OR51E2: variants seen among roughly 807,000 people sequenced by gnomAD.
OR51E2 encodes the protein olfactory receptor 51E2.
Under a neutral mutation model 13.7 loss-of-function variants are expected in OR51E2, and 14 were observed. The observed-to-expected ratio is 1.02, with a 90% CI of 0.68 to 1.60. OR51E2 has a LOEUF of 1.60. Among genes scored for constraint, OR51E2 ranks in the 40% most tolerant of loss-of-function variants. The pLI is 0.00. For missense variants in OR51E2, 483 were observed against 413.8 expected, an observed-to-expected ratio of 1.17 and a Z score of -1.45; for synonymous variants, 180 against 157.6, an observed-to-expected ratio of 1.14 and a Z score of -1.07.
intron 1 of OR51E2, among the ~76,000 whole-genome samples, chr11:4,694,252 A>T (rs1444504558): frequency 6.6e-6 from 1 of 152,068 alleles, no homozygotes; most frequent in African/African-American, 2.4e-5. Flanking sequence ...AACAAAAGAA[A>T]ACCATAGTGT....
intron 1 of OR51E2, among the ~76,000 whole-genome samples, chr11:4,688,615 T>A (rs1001240428): frequency 1.3e-5 from 2 of 152,148 alleles, no homozygotes; most frequent in African/African-American, 2.4e-5. Flanking sequence ...ATTAAACTAA[T>A]CAGTCTAACT....
In OR51E2 at chr11:4,681,909, T is replaced by A; in HGVS notation, c.803A>T (p.His268Leu). The A allele has an allele frequency of 6.2e-7, 1 of 1,614,048 alleles. No homozygotes were observed. Among genetic ancestry groups the A allele is most frequent in the East Asian group, 2.2e-5 (1 of 44,872 alleles). The change falls in exon 2 of 2, where the codon CAT becomes CTT. Residue 268 changes from histidine to leucine, a missense_variant. Transcript: ENST00000396950. Reference protein sequence around the residue: ...SVVHRFGNSLHPIVRVVMGDI... With the variant: ...SVVHRFGNSLLPIVRVVMGDI... Reference sequence around the variant, plus strand: ...ACCCATGACAACACGCACAATGGGATGAAGGCTGTTTCCAAAGCGGTGTAC... The same window carrying A: ...ACCCATGACAACACGCACAATGGGAAGAAGGCTGTTTCCAAAGCGGTGTAC...
At chr11:4,691,978 C>A (rs1432578038) in intron 1 of OR51E2, among the ~76,000 whole-genome samples, 1 of 152,142 alleles carries the variant, frequency 6.6e-6, no homozygotes, top group Non-Finnish European at 1.5e-5. Flanking sequence ...GTGACCACTC[C>A]TCTGATCGTT....
rs147818063 is a variant in OR51E2, at chr11:4,697,537, A to G, written c.-51+116T>C. On this transcript the variant is annotated intron_variant, in intron 1 of 1. Transcript: ENST00000396950. ...GAAATTCTACCGTCCTCCTCAGCCCACCATACCAACATCTAATCTAATTCT... is the reference window on the plus strand; with the variant it reads ...GAAATTCTACCGTCCTCCTCAGCCCGCCATACCAACATCTAATCTAATTCT... The G allele has an allele frequency of 3.2e-3, 494 of 152,750 alleles. 4 individuals are homozygous for G. Among genetic ancestry groups the G allele is most frequent in the African/African-American group, 0.011 (466 of 41,566 alleles). 9.5% of individuals were successfully genotyped at this position (152,750 alleles called of 1,614,324 possible).
Position 4,680,653 on chromosome 11 carries a change from A to G in OR51E2, c.*1096T>C, listed in dbSNP as rs1018553925. 6.5e-6 allele frequency: 1 copy of G among 152,678 alleles called. No homozygotes were observed. The highest frequency in any genetic ancestry group is 2.4e-5 in the African/African-American group (1 of 41,462). 9.5% of individuals were successfully genotyped at this position (152,678 alleles called of 1,614,324 possible). ...CATTTCTCTCACTTATAATAAAGAG[A>G]CACAAATGGTACCTACTCCATAAAG... is the stretch of plus-strand genomic sequence containing the variant. On this transcript the variant is annotated 3_prime_UTR_variant, in exon 2 of 2. Coordinates refer to ENST00000396950, the MANE Select transcript of OR51E2 (RefSeq NM_030774.4).
chr11:4,688,845 A>C (rs759079604), intron 1 of OR51E2, among the ~76,000 whole-genome samples: 24 of 152,222 alleles, frequency 1.6e-4, no homozygotes, highest in Admixed American at 1.4e-3. Flanking sequence ...GGGGTGATAG[A>C]AAGGCATCAG....
At chr11:4,688,635 G>A (rs1386916654) in intron 1 of OR51E2, among the ~76,000 whole-genome samples, 1 of 152,146 alleles carries the variant, frequency 6.6e-6, no homozygotes, top group Non-Finnish European at 1.5e-5. Flanking sequence ...TTCACTGTGG[G>A]GGGAAATAGA....
chr11:4,691,999 A>T (rs1254046373), intron 1 of OR51E2, among the ~76,000 whole-genome samples: 1 of 152,232 alleles, frequency 6.6e-6, no homozygotes, highest in Non-Finnish European at 1.5e-5. Context: ...CTAGCCATAG[A>T]TAACCAAACT....
chr11:4,689,914 T>C (rs1847557002), intron 1 of OR51E2, among the ~76,000 whole-genome samples: 1 of 150,644 alleles, frequency 6.6e-6, no homozygotes, highest in Admixed American at 6.6e-5. Context: ...TAATTAATTT[T>C]TTTACTTCTT....
At chr11:4,687,994 A>G (rs1220191821) in intron 1 of OR51E2, among the ~76,000 whole-genome samples, 1 of 152,180 alleles carries the variant, frequency 6.6e-6, no homozygotes, top group Non-Finnish European at 1.5e-5. Flanking sequence ...AGGGGAAGCA[A>G]TGAAGCTTAA....
At position 4,682,437 on chromosome 11, in the gene OR51E2, C is replaced by A. The variant is rs751306932; in HGVS notation, c.275G>T (p.Ser92Ile). 2 of 1,614,164 alleles carry A rather than the reference C, an allele frequency of 1.2e-6. No individual in the cohort carries two copies. Among genetic ancestry groups the A allele is most frequent in the Non-Finnish European group, 1.7e-6 (2 of 1,180,042 alleles). The change falls in exon 2 of 2, where the codon AGC (serine) becomes ATC (isoleucine). Residue 92 changes from serine (S) to isoleucine (I), a missense_variant. By Grantham distance (142) the Ser-to-Ile change is moderately radical. Coordinates refer to ENST00000396950, the MANE Select transcript of OR51E2 (RefSeq NM_030774.4). ...ALFWFDSREI[S>I]FEACLTQMFF... The stretch of plus-strand genomic sequence containing the variant: ...CATCTGGGTAAGACAGGCCTCAAAG[C>A]TAATCTCTCGGGAATCAAACCAGAA...
At chr11:4,693,514 G>A (rs549940305) in intron 1 of OR51E2, among the ~76,000 whole-genome samples, 4 of 152,294 alleles carry the variant, frequency 2.6e-5, no homozygotes, top group South Asian at 2.1e-4. Flanking sequence ...GAGGTCAGGA[G>A]ATCGAGACCA....
At chr11:4,689,562 A>G (rs891269735) in intron 1 of OR51E2, among the ~76,000 whole-genome samples, 9 of 152,296 alleles carry the variant, frequency 5.9e-5, no homozygotes, top group Admixed American at 4.6e-4. Flanking sequence ...CCCATCTTAA[A>G]TTAGTGATAT....
chr11:4,691,321 C>T lies in OR51E2; in HGVS notation c.-51+6332G>A, dbSNP rs771445530. 3.9e-5 allele frequency: 18 copies of T among 457,382 alleles called. No individual in the cohort carries two copies. The Middle Eastern group carries it at 2.3e-3, about 57-fold the overall frequency. The allele number at this position is 457,382 out of a possible 1,614,324, so 28.3% of individuals were successfully genotyped here. On this transcript the variant is annotated intron_variant, in intron 1 of 1. Transcript: ENST00000396950. ...ATGGCATACCTAAGGGGATTAGAGA[C>T]GGCCACAAAACGATCAAAAGCCATG...
intron 1 of OR51E2, among the ~76,000 whole-genome samples, chr11:4,694,799 G>A (rs1847636527): frequency 6.6e-6 from 1 of 152,124 alleles, no homozygotes; most frequent in African/African-American, 2.4e-5. Context: ...TAATAGTGTG[G>A]AGTGGCAGAT....
In OR51E2 at chr11:4,682,506, T is replaced by A. The variant is rs1213972850; in HGVS notation, c.206A>T (p.Asp69Val). ...YLFLCMLAAI[D>V]LALSTSTMPK... Reference sequence around the variant, plus strand: ...CATGGTGGATGTGGATAAGGCCAGGTCAATGGCTGCAAGCATGCAGAGAAA... The same window carrying A: ...CATGGTGGATGTGGATAAGGCCAGGACAATGGCTGCAAGCATGCAGAGAAA... The change falls in exon 2 of 2, where the codon GAC (aspartate) becomes GTC (valine). Residue 69 changes from aspartate (D) to valine (V), a missense_variant. Physicochemically the swap from Asp to Val is radical, Grantham distance 152 (BLOSUM62 -3). Transcript: ENST00000396950. 4 of 1,614,074 alleles carry A rather than the reference T, an allele frequency of 2.5e-6. No individual in the cohort carries two copies. Among genetic ancestry groups the A allele is most frequent in the Non-Finnish European group, 3.4e-6 (4 of 1,180,004 alleles).
intron 1 of OR51E2, among the ~76,000 whole-genome samples, chr11:4,692,463 ATCTC>A (rs1228519491): frequency 6.6e-6 from 1 of 152,254 alleles, no homozygotes; most frequent in Non-Finnish European, 1.5e-5. Context: ...CCAGAACAGA[ATCTC>A]TCTATTTTGT....
At chr11:4,690,666 C>T in intron 1 of OR51E2, 1 of 327,980 alleles carries the variant, frequency 3.0e-6, no homozygotes, top group African/African-American at 2.2e-5. Flanking sequence ...TCAATGGGCA[C>T]CAGTTCTTTG....
intron 1 of OR51E2, among the ~76,000 whole-genome samples, chr11:4,687,987 G>T (rs1421911513): frequency 6.6e-6 from 1 of 152,092 alleles, no homozygotes; most frequent in Non-Finnish European, 1.5e-5. Context: ...TGTACAGAGG[G>T]GAAGCAATGA....
Sources: gnomAD v4.1 joint callset for allele counts (sites outside exome capture counted in the v4.1 genomes callset) on GRCh38, gnomAD v4.1.1 for gene constraint, MANE v1.5 for transcripts, NCBI Gene and HGNC (gene_info 2026-07-23, HGNC 2026-07-21) for gene names.